CHDH: variants seen among roughly 807,000 people sequenced by gnomAD.
The protein encoded by CHDH is choline dehydrogenase, mitochondrial.
CHDH carries 43 observed loss-of-function variants against 56.9 expected under a neutral mutation model. That is an observed-to-expected ratio of 0.76 (90% CI 0.59 to 0.97). CHDH has a LOEUF of 0.97. Among genes scored for constraint, CHDH ranks in the 50% least tolerant of loss-of-function variants. CHDH has a pLI of 0.00. For missense variants in CHDH, 816 were observed against 821.1 expected, an observed-to-expected ratio of 0.99 and a Z score of 0.08; for synonymous variants, 364 against 348.5, an observed-to-expected ratio of 1.04 and a Z score of -0.50.
At position 53,820,539 on chromosome 3, in the gene CHDH, A is replaced by G. The variant is rs1224527737; in HGVS notation, c.1055T>C (p.Leu352Pro). Residue 352 changes from leucine (L) to proline (P), a missense_variant, in exon 6 of 9, where the codon CTC (leucine) becomes CCC (proline). Physicochemically the swap from Leu to Pro is moderately conservative, Grantham distance 98 (BLOSUM62 -3). Transcript: ENST00000315251. ...IQQACTRPIT[L>P]HSAQKPLRKV... ...CCGCAGGGGCTTCTGTGCTGAATGGAGGGTGATAGGGCGGGTGCATGCCTG... is the reference window on the plus strand; with the variant it reads ...CCGCAGGGGCTTCTGTGCTGAATGGGGGGTGATAGGGCGGGTGCATGCCTG... 2 of 1,614,084 alleles carry G rather than the reference A, an allele frequency of 1.2e-6. No homozygotes were observed. Among genetic ancestry groups the G allele is most frequent in the Non-Finnish European group, 1.7e-6 (2 of 1,179,972 alleles).
intron 2 of CHDH, among the ~76,000 whole-genome samples, chr3:53,831,175 C>T (rs1171021983): frequency 6.6e-6 from 1 of 152,216 alleles, no homozygotes; most frequent in African/African-American, 2.4e-5. Flanking sequence ...TGTGAGGCTC[C>T]TCTGCCTGTG....
Position 53,817,877 on chromosome 3 carries a change from A to G in CHDH, c.1685T>C (p.Met562Thr), listed in dbSNP as rs1216518103. 4 of 1,614,202 alleles carry G rather than the reference A, an allele frequency of 2.5e-6. No individual in the cohort carries two copies. The highest frequency in any genetic ancestry group is 1.3e-5 in the African/African-American group (1 of 75,072). Residue 562 changes from methionine (M) to threonine (T), a missense_variant, in exon 9 of 9, where the codon ATG (methionine) becomes ACG (threonine). Met to Thr is a moderately conservative substitution (Grantham distance 81). Transcript: ENST00000315251. The stretch of plus-strand genomic sequence containing the variant: ...AATGTCAGCTGCCTTCTCTGCGATC[A>G]TGATTGTGGGGGCGTTCAGGTTGCC... The part of the protein sequence containing the change: ...VSGNLNAPTI[M>T]IAEKAADIIK...
intron 2 of CHDH, 31 bp from the exon 3 acceptor site, chr3:53,824,098 T>A: frequency 1.6e-5 from 20 of 1,238,796 alleles, no homozygotes; most frequent in Middle Eastern, 2.9e-4. Context: ...TTAAAAATCT[T>A]AACTCCGCAT....
At chr3:53,827,098 T>C (rs1399052082) in intron 2 of CHDH, among the ~76,000 whole-genome samples, 1 of 152,048 alleles carries the variant, frequency 6.6e-6, no homozygotes, top group Non-Finnish European at 1.5e-5. Context: ...CTGGGCAACA[T>C]AGAAATACCC....
In CHDH at chr3:53,840,746, C is replaced by G. The variant is rs551847300; in HGVS notation, c.-60+183G>C. 1.2e-4 allele frequency among the ~76,000 whole-genome samples: 18 copies of G among 152,288 alleles called. No individual in the cohort carries two copies. In the East Asian group the frequency reaches 3.5e-3, roughly 29 times the overall value. ...TGTTTGTTTGAAATCTCAGATCCCA[C>G]CAGAGGAGTGAAGGAAAGCAGAAAG... On this transcript the variant is annotated intron_variant, in intron 2 of 8. Coordinates refer to ENST00000315251, the MANE Select transcript of CHDH (RefSeq NM_018397.5).
intron 8 of CHDH, among the ~76,000 whole-genome samples, chr3:53,818,681 C>G (rs2095620258): frequency 6.6e-6 from 1 of 152,214 alleles, no homozygotes; most frequent in African/African-American, 2.4e-5. Flanking sequence ...GGTCTCCCTG[C>G]ACATCATGGC....
At chr3:53,835,489 T>C (rs2106978585) in intron 2 of CHDH, among the ~76,000 whole-genome samples, 2 of 149,884 alleles carry the variant, frequency 1.3e-5, no homozygotes, top group African/African-American at 5.1e-5. Flanking sequence ...CTGCAAAACA[T>C]GTGGTAAGGG....
intron 2 of CHDH, among the ~76,000 whole-genome samples, chr3:53,824,335 G>A (rs2095634936): frequency 6.6e-6 from 1 of 152,256 alleles, no homozygotes; most frequent in South Asian, 2.1e-4. Context: ...TATGAACCTG[G>A]AGACTGGGCT....
chr3:53,826,550 A>C (rs563771092), intron 2 of CHDH, among the ~76,000 whole-genome samples: 1 of 152,354 alleles, frequency 6.6e-6, no homozygotes, highest in Middle Eastern at 3.4e-3. Flanking sequence ...GACAAAATTT[A>C]ACATCCATTA....
chr3:53,823,984 C>T lies in CHDH; in HGVS notation c.25G>A (p.Gly9Ser). 2 of 1,500,148 alleles carry T rather than the reference C, an allele frequency of 1.3e-6. No homozygotes were observed. The highest frequency in any genetic ancestry group is 1.8e-6 in the Non-Finnish European group (2 of 1,134,212). The allele number at this position is 1,500,148 out of a possible 1,614,324, so 92.9% of individuals were successfully genotyped here. Residue 9 changes from glycine to serine, a missense_variant, in exon 3 of 9, where the codon GGC becomes AGC. Gly to Ser is a moderately conservative substitution (Grantham distance 56). Transcript: ENST00000315251. ...CCCCGTGCCAGGGCTCCAGGCCGGC[C>T]CAGGCCTCGTAGGAGACACCACATG... MWCLLRGL[G>S]RPGALARGAL...
rs899667841 is a variant in CHDH, at chr3:53,813,452, T to C, written c.*4325A>G. On this transcript the variant is annotated 3_prime_UTR_variant, in exon 9 of 9. Transcript: ENST00000315251. ...ATCCTCCTGGTTCCTTCGGTGCCAA[T>C]GGTAACCTAATACCAGCCGCAGGGA... The C allele has an allele frequency of 3.9e-5, 6 of 152,246 alleles. No individual in the cohort carries two copies. Among genetic ancestry groups the C allele is most frequent in the African/African-American group, 1.4e-4 (6 of 41,454 alleles). 9.4% of individuals were successfully genotyped at this position (152,246 alleles called of 1,614,324 possible). A position where few individuals can be genotyped will look rare whatever the true frequency, so the allele number is the denominator to read the frequency against.
At chr3:53,831,727 G>T (rs1388626354) in intron 2 of CHDH, among the ~76,000 whole-genome samples, 9 of 152,128 alleles carry the variant, frequency 5.9e-5, no homozygotes, top group Non-Finnish European at 1.5e-5. Context: ...CAAAGGACTT[G>T]AATAGACATT....
At position 53,820,515 on chromosome 3, in the gene CHDH, C is replaced by T. The variant is rs184338220; in HGVS notation, c.1079G>A (p.Arg360Gln). Reference sequence around the variant, plus strand: ...CCACTCCAGACCAATGCAGACCTTCCGCAGGGGCTTCTGTGCTGAATGGAG... The same window carrying T: ...CCACTCCAGACCAATGCAGACCTTCTGCAGGGGCTTCTGTGCTGAATGGAG... ...ITLHSAQKPL[R>Q]KVCIGLEWLW... The change falls in exon 6 of 9, where the codon CGG becomes CAG. Residue 360 changes from arginine to glutamine, a missense_variant. Physicochemically the swap from Arg to Gln is conservative, Grantham distance 43. Transcript: ENST00000315251. The T allele has an allele frequency of 1.6e-5, 26 of 1,613,984 alleles. No homozygotes were observed. The African/African-American group carries it at 1.7e-4, about 11-fold the overall frequency.
intron 2 of CHDH, among the ~76,000 whole-genome samples, chr3:53,839,775 G>A (rs1282550390): frequency 6.6e-6 from 1 of 152,200 alleles, no homozygotes. Context: ...GTTTACTGCA[G>A]CACTATTCCC....
intron 2 of CHDH, among the ~76,000 whole-genome samples, chr3:53,838,012 G>A (rs4687750): frequency 0.69 from 99,482 of 144,580 alleles, 33,928 homozygotes; most frequent in South Asian, 0.76. Context: ...AGCCAAGATC[G>A]TATCACTGCA....
intron 1 of CHDH, among the ~76,000 whole-genome samples, chr3:53,843,234 A>G (rs1164704955): frequency 8.1e-6 from 1 of 123,506 alleles, no homozygotes; most frequent in East Asian, 2.6e-4. Context: ...CTAAATTTAC[A>G]CAGCACTCTT....
intron 3 of CHDH, among the ~76,000 whole-genome samples, chr3:53,823,032 C>G (rs1457183707): frequency 6.6e-6 from 1 of 152,164 alleles, no homozygotes; most frequent in Non-Finnish European, 1.5e-5. Flanking sequence ...AGGAGTTAGG[C>G]TCTCTGTCCA....
In CHDH at chr3:53,819,691, G is replaced by A. The variant is rs765751306; in HGVS notation, c.1121-17C>T. 1.1e-5 allele frequency: 17 copies of A among 1,575,984 alleles called. No homozygotes were observed. In the South Asian group the frequency reaches 1.8e-4, roughly 16 times the overall value. On this transcript the variant is annotated splice_polypyrimidine_tract_variant and intron_variant, in intron 6 of 8. Transcript: ENST00000315251. This position sits in a 1 kb window ranked among gnomAD's most constrained non-coding sequence, Gnocchi z 5.4. The stretch of plus-strand genomic sequence containing the variant: ...CTCCCTCCCCTGAGAAGCAGAAGAG[G>A]ATGAGGCAGAAGAGCCAGTCAGGCC...
At chr3:53,820,947 T>C (rs2095625090) in intron 5 of CHDH, among the ~76,000 whole-genome samples, 1 of 152,214 alleles carries the variant, frequency 6.6e-6, no homozygotes, top group East Asian at 1.9e-4. Flanking sequence ...GGTTGCTGGA[T>C]GGTGATGGCC....
Sources: gnomAD v4.1 joint callset for allele counts (sites outside exome capture counted in the v4.1 genomes callset) on GRCh38, gnomAD v4.1.1 for gene constraint, Gnocchi (gnomAD v3.1) non-coding constraint, MANE v1.5 for transcripts, NCBI Gene and HGNC (gene_info 2026-07-23, HGNC 2026-07-21) for gene names.